Variants in ARHGAP29 observed in about 807,000 individuals in gnomAD.
ARHGAP29 encodes rho GTPase-activating protein 29.
A neutral mutation model predicts 122.6 loss-of-function variants in ARHGAP29; 43 were observed. The observed-to-expected ratio is 0.35, with a 90% CI of 0.27 to 0.45. ARHGAP29 has a LOEUF of 0.45. ARHGAP29 is among the 20% of genes least tolerant of loss of function. The probability of loss-of-function intolerance (pLI) is 1.00; values close to 1 mark genes in which losing one functional copy is unlikely to be tolerated. For synonymous variants in ARHGAP29, 506 were observed against 497.1 expected, an observed-to-expected ratio of 1.02 and a Z score of -0.24; for missense variants, 1,303 against 1,477.2, an observed-to-expected ratio of 0.88 and a Z score of 1.93.
chr1:94,185,133 G>GT, intron 17 of ARHGAP29, 73 bp from the exon 18 acceptor site: 1 of 1,395,394 alleles, frequency 7.2e-7, no homozygotes, highest in Non-Finnish European at 9.7e-7. Flanking sequence ...CAGGTGGAAG[G>GT]TAACACAACA....
At chr1:94,256,876 A>G (rs1462510043) in intron 1 of ARHGAP29, among the ~76,000 whole-genome samples, 1 of 151,814 alleles carries the variant, frequency 6.6e-6, no homozygotes, top group Admixed American at 6.6e-5. Flanking sequence ...TAATCTTTAT[A>G]TATTCTATGG....
Position 94,205,620 on chromosome 1 carries a change from C to T in ARHGAP29, c.559+15G>A, listed in dbSNP as rs1651143007. ...CAAGAAGTTTGTGAAAAGTTATAAA[C>T]ACCTTGAGCATTACCTTTTTCACTG... On this transcript the variant is annotated intron_variant, in intron 6 of 22. Transcript: ENST00000260526. The T allele has an allele frequency of 1.2e-6, 2 of 1,608,438 alleles. No homozygotes were observed. Among genetic ancestry groups the T allele is most frequent in the Admixed American group, 1.7e-5 (1 of 59,110 alleles).
intron 12 of ARHGAP29, among the ~76,000 whole-genome samples, chr1:94,199,939 A>G (rs1260643918): frequency 2.6e-5 from 4 of 152,228 alleles, no homozygotes; most frequent in African/African-American, 4.8e-5. Context: ...TATAACATCC[A>G]TATGCTAAAA....
intron 3 of ARHGAP29, among the ~76,000 whole-genome samples, chr1:94,218,253 T>C (rs1453703140): frequency 1.3e-5 from 2 of 152,166 alleles, no homozygotes; most frequent in African/African-American, 4.8e-5. Flanking sequence ...TGTTCTAGTC[T>C]CATAGAGTTC....
At chr1:94,227,987 G>C (rs1652704920) in intron 2 of ARHGAP29, among the ~76,000 whole-genome samples, 1 of 151,684 alleles carries the variant, frequency 6.6e-6, no homozygotes, top group Non-Finnish European at 1.5e-5. Context: ...ACTTGTATAA[G>C]ACTACAAGGT....
chr1:94,281,461 C>G, the ARHGAP29 span, among the ~76,000 whole-genome samples: 1 of 150,510 alleles, frequency 6.6e-6, no homozygotes, highest in East Asian at 2.0e-4. Context: ...TAAAGTTAAC[C>G]TTGAGATCAA....
intron 3 of ARHGAP29, among the ~76,000 whole-genome samples, chr1:94,219,649 C>T (rs981435803): frequency 5.3e-5 from 8 of 152,220 alleles, no homozygotes; most frequent in East Asian, 1.9e-4. Context: ...ATACTCACTT[C>T]GCTCTCAATC....
intron 1 of ARHGAP29, among the ~76,000 whole-genome samples, chr1:94,259,279 TATCC>T (rs1189247525): frequency 6.6e-6 from 1 of 152,220 alleles, no homozygotes; most frequent in Non-Finnish European, 1.5e-5. Flanking sequence ...CTGTGACCTG[TATCC>T]ATTTTAGAAA....
intron 7 of ARHGAP29, 60 bp downstream of exon 7, chr1:94,205,001 A>T (rs1463897248): frequency 1.4e-6 from 2 of 1,423,924 alleles, no homozygotes; most frequent in East Asian, 2.5e-5. Flanking sequence ...TCTGTAAAAA[A>T]TGAGTTAGAA....
intron 8 of ARHGAP29, 21 bp downstream of exon 8, chr1:94,203,909 C>T (rs373340778): frequency 2.5e-5 from 41 of 1,610,200 alleles, no homozygotes; most frequent in Non-Finnish European, 2.7e-5. Flanking sequence ...ATAGAACCCC[C>T]GAAGTTCACA....
At chr1:94,295,592 A>G in the ARHGAP29 span, among the ~76,000 whole-genome samples, 4 of 152,182 alleles carry the variant, frequency 2.6e-5, no homozygotes, top group African/African-American at 9.7e-5. Flanking sequence ...AAGATTAATG[A>G]TCTGTGAATC....
intron 3 of ARHGAP29, among the ~76,000 whole-genome samples, chr1:94,215,104 G>GA (rs199693229): frequency 0.22 from 18,021 of 83,406 alleles, 1,829 homozygotes; most frequent in African/African-American, 0.39. Flanking sequence ...GCATGAAAAG[G>GA]AAAAAAAAAA....
chr1:94,275,660 T>C (rs1186090129), upstream of ARHGAP29, among the ~76,000 whole-genome samples: 1 of 152,118 alleles, frequency 6.6e-6, no homozygotes, highest in Non-Finnish European at 1.5e-5. Flanking sequence ...TTTAAACTAG[T>C]GTCCAGTAGG....
chr1:94,246,340 T>C (rs768276461), intron 1 of ARHGAP29, among the ~76,000 whole-genome samples: 5 of 152,316 alleles, frequency 3.3e-5, no homozygotes, highest in Non-Finnish European at 7.4e-5. Context: ...GAATATTCAC[T>C]TTCATATCTA....
intron 2 of ARHGAP29, among the ~76,000 whole-genome samples, 182 bp from the exon 3 acceptor site, chr1:94,220,574 T>G (rs773860075): frequency 1.3e-5 from 2 of 152,126 alleles, no homozygotes; most frequent in Non-Finnish European, 2.9e-5. Context: ...CAGAAAATCC[T>G]TAGTCATTTT....
At chr1:94,282,361 C>T in the ARHGAP29 span, among the ~76,000 whole-genome samples, 8 of 151,956 alleles carry the variant, frequency 5.3e-5, no homozygotes, top group Non-Finnish European at 8.8e-5. Context: ...ATCTGGCTTA[C>T]TGCAGCCTTG....
chr1:94,187,619 T>A (rs1649887099), intron 15 of ARHGAP29, among the ~76,000 whole-genome samples: 1 of 152,128 alleles, frequency 6.6e-6, no homozygotes. Flanking sequence ...GGTCTCCAAT[T>A]TTCCTTTTTC....
chr1:94,243,978 GA>G (rs1653699179), intron 1 of ARHGAP29, among the ~76,000 whole-genome samples: 2 of 151,840 alleles, frequency 1.3e-5, no homozygotes, highest in Non-Finnish European at 2.9e-5. Flanking sequence ...CCTGACACAA[GA>G]AACAGAAAAT....
Position 94,177,889 on chromosome 1 carries a change from T to C in ARHGAP29, c.2759A>G (p.Glu920Gly). 6.2e-7 allele frequency: 1 copy of C among 1,613,860 alleles called. No individual in the cohort carries two copies. The highest frequency in any genetic ancestry group is 8.5e-7 in the Non-Finnish European group (1 of 1,179,956). ...PLLSPEERDIERSMKSLFFSS... is the reference protein window; with the variant it reads ...PLLSPEERDIGRSMKSLFFSS... ...AAAAAATAGTGACTTCATGGAACGT[T>C]CAATGTCTCTTTCTTCTGGTGATAA... The change falls in exon 21 of 23, where the codon GAA becomes GGA. Residue 920 changes from glutamate (E) to glycine (G), a missense_variant. Transcript: ENST00000260526.
Sources: gnomAD v4.1 joint callset for allele counts (sites outside exome capture counted in the v4.1 genomes callset) on GRCh38, gnomAD v4.1.1 for gene constraint, MANE v1.5 for transcripts, NCBI Gene and HGNC (gene_info 2026-07-23, HGNC 2026-07-21) for gene names.